SYT16: variants seen among roughly 807,000 people sequenced by gnomAD.
The protein encoded by SYT16 is synaptotagmin-16.
SYT16 carries 42 observed loss-of-function variants against 61.4 expected under a neutral mutation model. That is an observed-to-expected ratio of 0.68 (90% CI 0.53 to 0.89). SYT16 has a LOEUF of 0.89. Ranked by LOEUF, SYT16 falls within the 40% of genes least tolerant of loss-of-function variation. The pLI is 0.00. For missense variants in SYT16, 804 were observed against 807.3 expected, an observed-to-expected ratio of 1.00 and a Z score of 0.05; for synonymous variants, 314 against 302.3, an observed-to-expected ratio of 1.04 and a Z score of -0.40.
intron 1 of SYT16, among the ~76,000 whole-genome samples, chr14:61,968,333 G>T (rs1030299815): frequency 1.3e-5 from 2 of 152,142 alleles, no homozygotes; most frequent in Non-Finnish European, 2.9e-5. Context: ...AGATAAAGGG[G>T]TGTGGTTGAG....
intron 2 of SYT16, among the ~76,000 whole-genome samples, chr14:61,993,146 T>C (rs1358252173): frequency 6.6e-6 from 1 of 151,980 alleles, no homozygotes; most frequent in Non-Finnish European, 1.5e-5. Flanking sequence ...AGATTTTGGG[T>C]TGCATATGAA....
At chr14:62,068,691 A>G (rs1009597687) in intron 3 of SYT16, among the ~76,000 whole-genome samples, 1 of 152,246 alleles carries the variant, frequency 6.6e-6, no homozygotes, top group Non-Finnish European at 1.5e-5. Flanking sequence ...AATATGTACA[A>G]TACAACTTAT....
intron 1 of SYT16, among the ~76,000 whole-genome samples, chr14:61,916,787 C>T (rs1329223872): frequency 6.6e-6 from 1 of 152,138 alleles, no homozygotes; most frequent in Non-Finnish European, 1.5e-5. Flanking sequence ...CTCTCTACCT[C>T]CATGAGATCC....
intron 7 of SYT16, among the ~76,000 whole-genome samples, chr14:62,087,935 C>G (rs1331467363): frequency 1.3e-5 from 2 of 152,058 alleles, no homozygotes; most frequent in African/African-American, 4.8e-5. Context: ...ACCAGAGCCT[C>G]CACTGCACAG....
At chr14:61,856,218 A>G (rs1371314539) in intron 1 of SYT16, among the ~76,000 whole-genome samples, 1 of 152,190 alleles carries the variant, frequency 6.6e-6, no homozygotes, top group African/African-American at 2.4e-5. Context: ...TAACAGAATA[A>G]TGTTATCTAA....
chr14:61,970,339 G>A (rs1210110217), intron 2 of SYT16, 28 bp downstream of exon 2: 1 of 152,168 alleles, frequency 6.6e-6, no homozygotes, highest in African/African-American at 2.4e-5. Flanking sequence ...AATTCTCCTG[G>A]GCTTGGCAAC....
intron 1 of SYT16, among the ~76,000 whole-genome samples, chr14:61,962,407 T>C (rs1439501408): frequency 6.6e-6 from 1 of 152,132 alleles, no homozygotes; most frequent in Admixed American, 6.6e-5. Context: ...GTCTCTTGAA[T>C]GTGACATGTG....
intron 2 of SYT16, among the ~76,000 whole-genome samples, chr14:61,988,884 T>C (rs2052430792): frequency 6.6e-6 from 1 of 151,890 alleles, no homozygotes; most frequent in African/African-American, 2.4e-5. Flanking sequence ...TAATCGCATT[T>C]TTTTTTTAAA....
intron 1 of SYT16, among the ~76,000 whole-genome samples, chr14:61,834,385 C>G (rs1566616447): frequency 6.7e-6 from 1 of 149,306 alleles, no homozygotes; most frequent in Admixed American, 6.7e-5. Flanking sequence ...CTGCCTTGGC[C>G]TCTCAAAGTG....
At chr14:61,951,747 TA>T (rs1237958989) in intron 1 of SYT16, among the ~76,000 whole-genome samples, 3 of 152,100 alleles carry the variant, frequency 2.0e-5, no homozygotes, top group Admixed American at 2.0e-4. Flanking sequence ...GACATGTCTT[TA>T]TTGGGCATAT....
At chr14:61,855,812 T>A (rs937316770) in intron 1 of SYT16, among the ~76,000 whole-genome samples, 3 of 152,232 alleles carry the variant, frequency 2.0e-5, no homozygotes, top group African/African-American at 7.2e-5. Context: ...TACTTCTTCA[T>A]GATTAGGGAG....
intron 2 of SYT16, among the ~76,000 whole-genome samples, chr14:61,982,305 T>C (rs893874998): frequency 6.6e-6 from 1 of 152,096 alleles, no homozygotes; most frequent in Non-Finnish European, 1.5e-5. Flanking sequence ...GATAAAGATA[T>C]ACCTGAGACT....
At chr14:61,838,884 C>A (rs1246806785) in intron 1 of SYT16, among the ~76,000 whole-genome samples, 1 of 152,118 alleles carries the variant, frequency 6.6e-6, no homozygotes, top group African/African-American at 2.4e-5. Flanking sequence ...AGGCAACAGG[C>A]CTAAGGCTTC....
chr14:61,936,498 C>T (rs1246693907), intron 1 of SYT16, among the ~76,000 whole-genome samples: 2 of 152,060 alleles, frequency 1.3e-5, no homozygotes, highest in Non-Finnish European at 2.9e-5. Flanking sequence ...TCAGTGGTAA[C>T]GTCACAGAAA....
chr14:62,057,322 G>C (rs1267353345), intron 3 of SYT16, among the ~76,000 whole-genome samples: 5 of 152,164 alleles, frequency 3.3e-5, no homozygotes, highest in Non-Finnish European at 7.3e-5. Flanking sequence ...AATATAGTGG[G>C]CTGAATATGG....
intron 1 of SYT16, among the ~76,000 whole-genome samples, chr14:61,879,974 C>G (rs529906702): frequency 1.3e-5 from 2 of 152,320 alleles, no homozygotes; most frequent in South Asian, 4.1e-4. Context: ...CTTCCAAATT[C>G]ACTGAAAAGA....
At chr14:61,921,296 G>C (rs892299165) in intron 1 of SYT16, among the ~76,000 whole-genome samples, 6 of 152,094 alleles carry the variant, frequency 3.9e-5, no homozygotes, top group Non-Finnish European at 8.8e-5. Context: ...CCTGCCCGGG[G>C]TGTCACTTTG....
At chr14:62,074,730 T>G (rs1425897369) in intron 4 of SYT16, among the ~76,000 whole-genome samples, 2 of 152,136 alleles carry the variant, frequency 1.3e-5, no homozygotes, top group Non-Finnish European at 2.9e-5. Flanking sequence ...GAGGGTAATG[T>G]GGTAAACACT....
chr14:62,060,727 A>T (rs1227090183), intron 3 of SYT16, among the ~76,000 whole-genome samples: 1 of 151,730 alleles, frequency 6.6e-6, no homozygotes, highest in African/African-American at 2.4e-5. Flanking sequence ...TTTTTAATAT[A>T]TTGCTGAGGA....
Sources: gnomAD v4.1 joint callset for allele counts (sites outside exome capture counted in the v4.1 genomes callset) on GRCh38, gnomAD v4.1.1 for gene constraint, MANE v1.5 for transcripts, NCBI Gene and HGNC (gene_info 2026-07-23, HGNC 2026-07-21) for gene names.